Variants in LRRFIP2 observed in about 807,000 individuals in gnomAD.
LRRFIP2 encodes leucine-rich repeat flightless-interacting protein 2.
LRRFIP2 carries 109 observed loss-of-function variants against 125.9 expected under a neutral mutation model. The observed-to-expected ratio is 0.87, with a 90% CI of 0.74 to 1.01. LRRFIP2 has a LOEUF of 1.01. LRRFIP2 is among the 50% of genes least tolerant of loss of function. The pLI, the probability that LRRFIP2 is intolerant of heterozygous loss-of-function variation, is 0.00. For missense variants in LRRFIP2, 850 were observed against 862.3 expected (o/e 0.99, Z 0.18); for synonymous variants, 291 against 293.1 (o/e 0.99, Z 0.07).
chr3:37,122,755 A>T (rs531491072), intron 4 of LRRFIP2, among the ~76,000 whole-genome samples: 37 of 151,772 alleles, frequency 2.4e-4, no homozygotes, highest in East Asian at 1.2e-3. Flanking sequence ...GCAGATTTTT[A>T]AAAAAAAATG....
chr3:37,102,315 G>C (rs961190787), intron 15 of LRRFIP2, among the ~76,000 whole-genome samples: 11 of 152,010 alleles, frequency 7.2e-5, no homozygotes, highest in African/African-American at 2.4e-4. Context: ...AAAAAGGAGG[G>C]AAGGGGGAAG....
At chr3:37,175,233 T>A (rs1254562162), upstream of LRRFIP2, 1 of 152,208 alleles carries the variant, frequency 6.6e-6, no homozygotes, top group Non-Finnish European at 1.5e-5. Context: ...ATAAAAAAAT[T>A]AAGTCACCTT....
At chr3:37,155,014 C>T (rs935200842) in intron 1 of LRRFIP2, among the ~76,000 whole-genome samples, 1 of 152,138 alleles carries the variant, frequency 6.6e-6, no homozygotes, top group African/African-American at 2.4e-5. Flanking sequence ...TAAACAAATC[C>T]CAGTATATGG....
intron 2 of LRRFIP2, chr3:37,143,741 A>C: frequency 6.0e-6 from 1 of 166,608 alleles, no homozygotes; most frequent in Non-Finnish European, 1.3e-5. Context: ...AGGGTACCAG[A>C]TCCTGGTCAG....
In LRRFIP2 at chr3:37,142,369, G is replaced by A. The variant is rs191352000; in HGVS notation, c.90+6525C>T. ...GCCCCAGCCAGCTGGTCTCAACTCCGGGGCTCACACAATCCGCCCACCTCG... is the reference window on the plus strand; with the variant it reads ...GCCCCAGCCAGCTGGTCTCAACTCCAGGGCTCACACAATCCGCCCACCTCG... On this transcript the variant is annotated intron_variant, in intron 2 of 27. Transcript: ENST00000336686. 2.0e-3 allele frequency among the ~76,000 whole-genome samples: 309 copies of A among 151,940 alleles called. 1 individual carries two copies. Among genetic ancestry groups the A allele is most frequent in the Admixed American group, 4.1e-3 (63 of 15,250 alleles).
intron 17 of LRRFIP2, chr3:37,093,227 G>A (rs551740094): frequency 2.0e-5 from 3 of 153,146 alleles, no homozygotes; most frequent in Non-Finnish European, 2.9e-5. Flanking sequence ...ACTGCACTCA[G>A]ACTAGCCCCT....
chr3:37,104,466 T>C (rs1420350996), intron 14 of LRRFIP2, among the ~76,000 whole-genome samples: 2 of 152,226 alleles, frequency 1.3e-5, no homozygotes, highest in African/African-American at 4.8e-5. Flanking sequence ...TTTAATTAAA[T>C]AAATGAATGT....
At chr3:37,091,616 G>T in intron 17 of LRRFIP2, 78 bp from the exon 18 acceptor site, 1 of 1,026,530 alleles carries the variant, frequency 9.7e-7, no homozygotes, top group Non-Finnish European at 1.5e-6. Context: ...CAGATGAAAT[G>T]TGACTCACTT....
At chr3:37,158,269 G>C (rs1279788078) in intron 1 of LRRFIP2, among the ~76,000 whole-genome samples, 1 of 152,160 alleles carries the variant, frequency 6.6e-6, no homozygotes, top group Non-Finnish European at 1.5e-5. Flanking sequence ...ATAAAAGAAA[G>C]GGAGACCAAC....
intron 6 of LRRFIP2, among the ~76,000 whole-genome samples, chr3:37,118,742 T>G (rs1559926324): frequency 6.6e-6 from 1 of 152,276 alleles, no homozygotes; most frequent in South Asian, 2.1e-4. Flanking sequence ...CATAAATATA[T>G]CCACCTCACA....
intron 15 of LRRFIP2, among the ~76,000 whole-genome samples, chr3:37,100,281 C>T (rs2093949225): frequency 6.6e-6 from 1 of 151,092 alleles, no homozygotes; most frequent in African/African-American, 2.5e-5. Flanking sequence ...GCTATGATGG[C>T]TCCACAGCAC....
intron 24 of LRRFIP2, among the ~76,000 whole-genome samples, chr3:37,059,141 A>G (rs1261066852): frequency 2.6e-5 from 4 of 152,322 alleles, no homozygotes; most frequent in African/African-American, 9.6e-5. Flanking sequence ...TCCCAGTAGA[A>G]AATAGCCATA....
At chr3:37,096,036 A>G (rs947571599) in intron 16 of LRRFIP2, among the ~76,000 whole-genome samples, 1 of 152,130 alleles carries the variant, frequency 6.6e-6, no homozygotes, top group Non-Finnish European at 1.5e-5. Context: ...CCTGCTTTTT[A>G]CTTTTTAAAT....
At chr3:37,101,444 T>C (rs2094039780) in intron 15 of LRRFIP2, among the ~76,000 whole-genome samples, 1 of 151,094 alleles carries the variant, frequency 6.6e-6, no homozygotes, top group African/African-American at 2.4e-5. Context: ...GCAGGTAGAT[T>C]GATTGAGGTC....
intron 15 of LRRFIP2, among the ~76,000 whole-genome samples, chr3:37,097,682 G>A (rs2093795003): frequency 6.6e-6 from 1 of 152,050 alleles, no homozygotes; most frequent in Admixed American, 6.6e-5. Context: ...TAGGCCTTAA[G>A]GTTGTTTCAG....
chr3:37,169,425 C>G (rs1290175155), intron 1 of LRRFIP2, among the ~76,000 whole-genome samples: 1 of 152,142 alleles, frequency 6.6e-6, no homozygotes, highest in African/African-American at 2.4e-5. Context: ...GAAAAAACAT[C>G]TAATCTAAAG....
At chr3:37,079,091 C>CA (rs2092395407) in intron 19 of LRRFIP2, among the ~76,000 whole-genome samples, 1 of 151,698 alleles carries the variant, frequency 6.6e-6, no homozygotes, top group Non-Finnish European at 1.5e-5. Flanking sequence ...ATAAACCTTA[C>CA]AAGTCAATAA....
At chr3:37,116,267 G>A (rs1397361923) in intron 6 of LRRFIP2, among the ~76,000 whole-genome samples, 3 of 151,796 alleles carry the variant, frequency 2.0e-5, no homozygotes, top group Non-Finnish European at 2.9e-5. Flanking sequence ...TGGAACTACA[G>A]AACTACAGGA....
chr3:37,166,757 G>A (rs1193300220), intron 1 of LRRFIP2, among the ~76,000 whole-genome samples: 4 of 151,854 alleles, frequency 2.6e-5, no homozygotes, highest in Non-Finnish European at 5.9e-5. Flanking sequence ...AGTGGCTCAT[G>A]CCTGTAATCC....
Sources: allele counts gnomAD v4.1 joint callset (sites outside exome capture counted in the v4.1 genomes callset), GRCh38; gene constraint gnomAD v4.1.1; transcripts MANE v1.5; gene names NCBI Gene and HGNC (gene_info 2026-07-23, HGNC 2026-07-21).